Variants in IGF2BP3 observed in about 807,000 individuals in gnomAD.
IGF2BP3 encodes insulin like growth factor 2 mRNA binding protein 3.
IGF2BP3 carries 9 observed loss-of-function variants against 73.8 expected under a neutral mutation model. That is an observed-to-expected ratio of 0.12 (90% confidence interval 0.07 to 0.21). IGF2BP3 has a LOEUF of 0.21. IGF2BP3 is among the 10% of genes least tolerant of loss of function. The pLI, the probability that IGF2BP3 is intolerant of heterozygous loss-of-function variation, is 1.00. For missense variants in IGF2BP3, 542 were observed against 714.0 expected (o/e 0.76, Z 2.75); for synonymous variants, 258 against 256.7 (o/e 1.01, Z -0.05).
At chr7:23,462,384 C>T (rs1262797785) in intron 2 of IGF2BP3, among the ~76,000 whole-genome samples, 4 of 145,372 alleles carry the variant, frequency 2.8e-5, no homozygotes, top group Admixed American at 2.1e-4. Context: ...TTTTTTGAGA[C>T]GGAGTCTTGC....
chr7:23,359,545 A>G (rs1357041985), intron 5 of IGF2BP3, among the ~76,000 whole-genome samples: 1 of 152,148 alleles, frequency 6.6e-6, no homozygotes, highest in Admixed American at 6.5e-5. Flanking sequence ...TTCAGTATAA[A>G]TCTTTGTAAA....
intron 10 of IGF2BP3, 105 bp from the exon 11 acceptor site, chr7:23,319,359 G>A (rs992476772): frequency 2.8e-6 from 2 of 706,672 alleles, no homozygotes; most frequent in Non-Finnish European, 4.9e-6. Flanking sequence ...AGGAATACCA[G>A]GAAAGTTTAA....
intron 3 of IGF2BP3, among the ~76,000 whole-genome samples, chr7:23,381,335 G>A (rs1445231558): frequency 6.6e-6 from 1 of 152,204 alleles, no homozygotes; most frequent in Non-Finnish European, 1.5e-5. Context: ...GAGTCAGGAT[G>A]TGAACCCACA....
Position 23,470,338 on chromosome 7 carries a change from G to A in IGF2BP3, c.-228C>T. On this transcript the variant is annotated 5_prime_UTR_variant, in exon 1 of 15. Transcript: ENST00000258729. ...AAAGAGAAAGAAAAGAAAAAGCCTA[G>A]CTACAACCCAAACGCATCCACCAGT... 1 of 345,196 alleles carries A rather than the reference G, an allele frequency of 2.9e-6. No individual in the cohort carries two copies. Among genetic ancestry groups the A allele is most frequent in the Non-Finnish European group, 5.2e-6 (1 of 191,786 alleles). 21.4% of individuals were successfully genotyped at this position (345,196 alleles called of 1,614,324 possible).
At chr7:23,398,091 T>C (rs1023168328) in intron 3 of IGF2BP3, among the ~76,000 whole-genome samples, 1 of 114,650 alleles carries the variant, frequency 8.7e-6, no homozygotes, top group African/African-American at 3.4e-5. Flanking sequence ...GTCCCCAGAG[T>C]GTGATGTTCC....
intron 3 of IGF2BP3, among the ~76,000 whole-genome samples, chr7:23,386,784 T>C (rs1749716117): frequency 6.6e-6 from 1 of 152,040 alleles, no homozygotes; most frequent in South Asian, 2.1e-4. Context: ...TTAACATCAG[T>C]GGGCTGGGCA....
chr7:23,386,888 G>T (rs995776969), intron 3 of IGF2BP3, among the ~76,000 whole-genome samples: 9 of 152,052 alleles, frequency 5.9e-5, no homozygotes, highest in African/African-American at 2.2e-4. Flanking sequence ...CCAATATGGT[G>T]AAACCCCATC....
chr7:23,425,478 T>C (rs1787482198), intron 2 of IGF2BP3, among the ~76,000 whole-genome samples: 7 of 152,196 alleles, frequency 4.6e-5, no homozygotes, highest in Admixed American at 4.6e-4. Flanking sequence ...CCTCTGGGAC[T>C]CAAGTGATCC....
chr7:23,400,617 C>G (rs746829614), intron 3 of IGF2BP3, among the ~76,000 whole-genome samples: 1 of 152,198 alleles, frequency 6.6e-6, no homozygotes, highest in Non-Finnish European at 1.5e-5. Context: ...TTAAGAAATA[C>G]TTAGATGCCC....
At chr7:23,325,201 G>C (rs1375863162) in intron 10 of IGF2BP3, among the ~76,000 whole-genome samples, 3 of 152,108 alleles carry the variant, frequency 2.0e-5, no homozygotes, top group African/African-American at 7.2e-5. Flanking sequence ...ATCTCCTTAA[G>C]CTGATAAGCA....
chr7:23,409,725 A>T (rs1786957308), intron 3 of IGF2BP3, among the ~76,000 whole-genome samples: 1 of 152,156 alleles, frequency 6.6e-6, no homozygotes, highest in Non-Finnish European at 1.5e-5. Context: ...TACATTACAT[A>T]AAAATTAACT....
intron 8 of IGF2BP3, among the ~76,000 whole-genome samples, chr7:23,344,977 C>T (rs1784795877): frequency 6.6e-6 from 1 of 152,174 alleles, no homozygotes; most frequent in Non-Finnish European, 1.5e-5. Context: ...TCTCCCCTTT[C>T]TGGGGGTAAA....
intron 3 of IGF2BP3, among the ~76,000 whole-genome samples, chr7:23,384,348 AG>A (rs1786014744): frequency 6.6e-6 from 1 of 152,088 alleles, no homozygotes; most frequent in South Asian, 2.1e-4. Context: ...GCAGAATTTG[AG>A]GTGACAAAAA....
At chr7:23,360,938 G>A (rs1203177658) in intron 5 of IGF2BP3, among the ~76,000 whole-genome samples, 1 of 152,152 alleles carries the variant, frequency 6.6e-6, no homozygotes, top group Non-Finnish European at 1.5e-5. Flanking sequence ...CTAGTGCTCA[G>A]TTTATTAGAT....
chr7:23,397,557 G>A (rs1786516835), intron 3 of IGF2BP3, among the ~76,000 whole-genome samples: 1 of 152,096 alleles, frequency 6.6e-6, no homozygotes. Context: ...ACACCTAACT[G>A]GCCTTACACC....
chr7:23,378,659 C>G (rs528352873), intron 3 of IGF2BP3, among the ~76,000 whole-genome samples: 1 of 148,924 alleles, frequency 6.7e-6, no homozygotes, highest in Non-Finnish European at 1.5e-5. Flanking sequence ...CTGCCACCTC[C>G]GCCTCCCAGG....
At chr7:23,329,744 C>A (rs146388714) in intron 10 of IGF2BP3, among the ~76,000 whole-genome samples, 126 of 152,310 alleles carry the variant, frequency 8.3e-4, no homozygotes, top group African/African-American at 2.7e-3. Context: ...GTGGCAAGAT[C>A]AGTTTGGGTC....
intron 2 of IGF2BP3, among the ~76,000 whole-genome samples, chr7:23,446,525 G>T (rs1327725476): frequency 6.6e-6 from 1 of 151,982 alleles, no homozygotes; most frequent in Non-Finnish European, 1.5e-5. Flanking sequence ...CCACTGCACT[G>T]CTGCCTGGGC....
intron 7 of IGF2BP3, among the ~76,000 whole-genome samples, chr7:23,346,872 T>A (rs1345054160): frequency 6.6e-6 from 1 of 152,200 alleles, no homozygotes; most frequent in East Asian, 1.9e-4. Flanking sequence ...ATTACAGGCA[T>A]GAGTCGCCAC....
Sources: allele counts gnomAD v4.1 joint callset (sites outside exome capture counted in the v4.1 genomes callset), GRCh38; gene constraint gnomAD v4.1.1; transcripts MANE v1.5; gene names NCBI Gene and HGNC (gene_info 2026-07-23, HGNC 2026-07-21).